The following ZNF212 variants were observed in gnomAD, a reference collection of about 807,000 sequenced individuals.
ZNF212 encodes the protein Zinc finger protein C2H2-150.
Under a neutral mutation model 47.3 loss-of-function variants are expected in ZNF212, and 32 were observed. The ratio of observed to expected loss-of-function variants is 0.68; its 90% CI spans 0.51 to 0.91. The LOEUF (loss-of-function observed/expected upper bound fraction) is 0.91, where lower values mean the gene tolerates loss of function less well. ZNF212 is among the 40% of genes least tolerant of loss of function. ZNF212 has a pLI of 0.00. For synonymous variants in ZNF212, 242 were observed against 253.8 expected, an observed-to-expected ratio of 0.95 and a Z score of 0.44; for missense variants, 555 against 622.8, an observed-to-expected ratio of 0.89 and a Z score of 1.16.
At chr7:149,244,911 C>T (rs1796655807) in intron 1 of ZNF212, among the ~76,000 whole-genome samples, 1 of 152,178 alleles carries the variant, frequency 6.6e-6, no homozygotes, top group African/African-American at 2.4e-5. Context: ...ATCCATGTGC[C>T]ACCCTCCTTT....
intron 3 of ZNF212, chr7:149,251,181 T>C (rs1051716828): frequency 8.3e-6 from 2 of 240,610 alleles, no homozygotes; most frequent in Non-Finnish European, 7.9e-6. Flanking sequence ...TTATTTTATC[T>C]TTTTTTTTTC....
chr7:149,253,827 G>A lies in ZNF212; in HGVS notation c.900G>A (p.Gln300=). 3 of 1,614,034 alleles carry A rather than the reference G, an allele frequency of 1.9e-6. No homozygotes were observed. Among genetic ancestry groups the A allele is most frequent in the Non-Finnish European group, 2.5e-6 (3 of 1,179,940 alleles). ...CTCATAGGCAGGTACAGCTGGACCA[G>A]GAATGTGGGCAGGGCCTGAAGCTGA... ...QKSHRQVQLD[Q]ECGQGLKLKK... is the part of the protein sequence containing the mutation. The change falls in exon 5 of 5, where the codon CAG becomes CAA. Residue 300 remains glutamine, a synonymous_variant. Coordinates refer to ENST00000335870, the MANE Select transcript of ZNF212 (RefSeq NM_012256.4).
intron 1 of ZNF212, among the ~76,000 whole-genome samples, chr7:149,248,612 T>C (rs1030804017): frequency 1.3e-5 from 2 of 152,236 alleles, no homozygotes; most frequent in Middle Eastern, 3.2e-3. Flanking sequence ...GATTCTCACC[T>C]ACATTCCTGT....
At chr7:149,251,489 ATCT>A in intron 3 of ZNF212, among the ~76,000 whole-genome samples, 1 of 83,384 alleles carries the variant, frequency 1.2e-5, no homozygotes, top group African/African-American at 4.8e-5. Context: ...GGCCTGTTTT[ATCT>A]TTTTTTTTTT....
chr7:149,239,819 G>A lies in ZNF212; in HGVS notation c.24+17G>A. On this transcript the variant is annotated intron_variant, in intron 1 of 4. Transcript: ENST00000335870. Reference sequence around the variant, plus strand: ...CCTGCTCGGGTAAAGAGGCACCGGCGCGCTGGCTCGAGGGCGCGTTGGGGA... The same window carrying A: ...CCTGCTCGGGTAAAGAGGCACCGGCACGCTGGCTCGAGGGCGCGTTGGGGA... The A allele has an allele frequency of 7.9e-7, 1 of 1,272,688 alleles. No homozygotes were observed. The highest frequency in any genetic ancestry group is 1.0e-6 in the Non-Finnish European group (1 of 1,001,218). 78.8% of individuals were successfully genotyped at this position (1,272,688 alleles called of 1,614,324 possible).
chr7:149,252,616 G>T, intron 3 of ZNF212, 90 bp from the exon 4 acceptor site: 5 of 1,125,080 alleles, frequency 4.4e-6, no homozygotes, highest in Non-Finnish European at 6.7e-6. Flanking sequence ...TTTCCTCCCT[G>T]CCATTGGTCA....
Position 149,254,728 on chromosome 7 carries a change from C to T in ZNF212, c.*313C>T, listed in dbSNP as rs1480128524. ...CAGGGACTGGTGGCTGGTTCCAGGG[C>T]TCGTCCCGGCATTTCATGTCTTCCC... is the stretch of plus-strand genomic sequence containing the variant. On this transcript the variant is annotated 3_prime_UTR_variant, in exon 5 of 5. Coordinates refer to ENST00000335870, the MANE Select transcript of ZNF212 (RefSeq NM_012256.4). This position sits in a 1 kb window ranked among gnomAD's most constrained non-coding sequence, Gnocchi z 4.5. 3.0e-6 allele frequency: 1 copy of T among 329,700 alleles called. No individual in the cohort carries two copies. The highest frequency in any genetic ancestry group is 4.5e-5 in the Admixed American group (1 of 22,176). 20.4% of individuals were successfully genotyped at this position (329,700 alleles called of 1,614,324 possible).
At chr7:149,248,436 AAC>A (rs1193450385) in intron 1 of ZNF212, among the ~76,000 whole-genome samples, 1 of 152,240 alleles carries the variant, frequency 6.6e-6, no homozygotes, top group African/African-American at 2.4e-5. Flanking sequence ...TTCAACCCAT[AAC>A]ACTGGATGGA....
Position 149,253,796 on chromosome 7 carries a change from A to G in ZNF212, c.869A>G (p.Gln290Arg). The change falls in exon 5 of 5, where the codon CAG becomes CGG. Residue 290 changes from glutamine (Q) to arginine (R), a missense_variant. Gln to Arg is a conservative substitution (Grantham distance 43). Transcript: ENST00000335870. ...AGCAGAACTGTGGGCTGCCCGAAGC[A>G]GAAATCTCATAGGCAGGTACAGCTG... ...SSSRTVGCPK[Q>R]KSHRQVQLDQ... is the part of the protein sequence containing the mutation. The G allele has an allele frequency of 6.2e-7, 1 of 1,614,146 alleles. No homozygotes were observed. Among genetic ancestry groups the G allele is most frequent in the Non-Finnish European group, 8.5e-7 (1 of 1,179,976 alleles).
intron 3 of ZNF212, 30 bp from the exon 4 acceptor site, chr7:149,252,676 T>A (rs930872974): frequency 1.9e-6 from 3 of 1,609,966 alleles, no homozygotes; most frequent in Non-Finnish European, 2.5e-6. Context: ...CACTCTCTCC[T>A]GGGCTCACAC....
chr7:149,250,802 C>G lies in ZNF212; in HGVS notation c.536C>G (p.Ser179Cys). 1 of 1,614,208 alleles carries G rather than the reference C, an allele frequency of 6.2e-7. No individual in the cohort carries two copies. Among genetic ancestry groups the G allele is most frequent in the Non-Finnish European group, 8.5e-7 (1 of 1,180,038 alleles). ...GAGAGTAACTATGAGACACTGGTCT[C>G]TCTGAGTGAGTAGCAGTTTTCTCCC... ...VMESNYETLV[S>C]LKVLGQTEGE... Residue 179 changes from serine to cysteine, a missense_variant, in exon 3 of 5, where the codon TCT becomes TGT. Physicochemically the swap from Ser to Cys is moderately radical, Grantham distance 112. Coordinates refer to ENST00000335870, the MANE Select transcript of ZNF212 (RefSeq NM_012256.4).
Position 149,254,547 on chromosome 7 carries a change from A to G in ZNF212, c.*132A>G. 1 of 1,341,700 alleles carries G rather than the reference A, an allele frequency of 7.5e-7. No individual in the cohort carries two copies. The highest frequency in any genetic ancestry group is 9.9e-7 in the Non-Finnish European group (1 of 1,014,324). 83.1% of individuals were successfully genotyped at this position (1,341,700 alleles called of 1,614,324 possible). ...ATTGCCTTCCCTTGTCCCAGTACCA[A>G]GCCAAGCCCAAAGGCTGTCCTGAAA... is the stretch of plus-strand genomic sequence containing the variant. On this transcript the variant is annotated 3_prime_UTR_variant, in exon 5 of 5. Transcript: ENST00000335870. This position sits in a 1 kb window ranked among gnomAD's most constrained non-coding sequence, Gnocchi z 4.5.
At chr7:149,251,184 TTTTTTTC>T in intron 3 of ZNF212, 3 of 262,006 alleles carry the variant, frequency 1.1e-5, no homozygotes, top group Admixed American at 5.2e-5. Flanking sequence ...TTTTATCTTT[TTTTTTTC>T]TTTTTTTCTT....
chr7:149,244,096 C>G (rs187031183), intron 1 of ZNF212, among the ~76,000 whole-genome samples: 1 of 152,012 alleles, frequency 6.6e-6, no homozygotes, highest in Admixed American at 6.6e-5. Context: ...CCACCACACC[C>G]GGCTAATTTT....
chr7:149,251,491 C>CTTTTTTTTTTTTTTTTTTTTTTT, intron 3 of ZNF212, among the ~76,000 whole-genome samples: 1 of 77,434 alleles, frequency 1.3e-5, no homozygotes, highest in Non-Finnish European at 2.4e-5. Context: ...CCTGTTTTAT[C>CTTTTTTTTTTTTTTTTTTTTTTT]TTTTTTTTTT....
At chr7:149,242,925 A>T (rs1487504367) in intron 1 of ZNF212, among the ~76,000 whole-genome samples, 1 of 152,238 alleles carries the variant, frequency 6.6e-6, no homozygotes, top group Non-Finnish European at 1.5e-5. Context: ...AATAAGAAAA[A>T]ATTAATGTAA....
intron 3 of ZNF212, among the ~76,000 whole-genome samples, chr7:149,252,348 G>A (rs1009371234): frequency 1.3e-5 from 2 of 152,112 alleles, no homozygotes; most frequent in Non-Finnish European, 2.9e-5. Flanking sequence ...CAGTGCCTTA[G>A]CAAGGATGAA....
intron 1 of ZNF212, among the ~76,000 whole-genome samples, chr7:149,242,245 C>T (rs1348171986): frequency 6.6e-6 from 1 of 151,690 alleles, no homozygotes; most frequent in Admixed American, 6.6e-5. Flanking sequence ...GGTCTCTGAA[C>T]TCCTGACCTC....
intron 1 of ZNF212, 124 bp downstream of exon 1, chr7:149,239,926 G>A (rs1422005227): frequency 1.7e-5 from 19 of 1,117,676 alleles, no homozygotes; most frequent in Non-Finnish European, 2.1e-5. Flanking sequence ...CCGTTGGCGC[G>A]GGTGAACGCG....
Sources: gnomAD v4.1 joint callset for allele counts (sites outside exome capture counted in the v4.1 genomes callset) on GRCh38, gnomAD v4.1.1 for gene constraint, Gnocchi (gnomAD v3.1) non-coding constraint, MANE v1.5 for transcripts, NCBI Gene and HGNC (gene_info 2026-07-23, HGNC 2026-07-21) for gene names.